PRKAA1: variants seen among roughly 807,000 people sequenced by gnomAD.
PRKAA1 encodes 5'-AMP-activated protein kinase catalytic subunit alpha-1.
In PRKAA1, 23 loss-of-function variants were observed where a neutral mutation model predicts 56.9. That is an observed-to-expected ratio of 0.40 (90% CI 0.29 to 0.57). The LOEUF is 0.57. PRKAA1 is among the 20% of genes least tolerant of loss of function. PRKAA1 has a pLI of 0.39. For missense variants in PRKAA1, 413 were observed against 679.7 expected (o/e 0.61, Z 4.36); for synonymous variants, 226 against 227.0 (o/e 1.00, Z 0.04).
intron 8 of PRKAA1, 71 bp downstream of exon 8, chr5:40,764,443 A>G (rs1328604408): frequency 7.0e-7 from 1 of 1,428,810 alleles, no homozygotes; most frequent in Admixed American, 2.2e-5. Context: ...AGAAGCCTCA[A>G]AAGAATCAAG....
At chr5:40,770,415 G>A (rs1219181443) in intron 4 of PRKAA1, among the ~76,000 whole-genome samples, 7 of 119,840 alleles carry the variant, frequency 5.8e-5, no homozygotes, top group East Asian at 2.1e-4. Flanking sequence ...GCAGTGAGCC[G>A]AGATCGTACC....
chr5:40,777,881 C>T (rs999037904), intron 1 of PRKAA1, among the ~76,000 whole-genome samples: 3 of 151,964 alleles, frequency 2.0e-5, no homozygotes, highest in South Asian at 2.1e-4. Flanking sequence ...GAGACCAGCC[C>T]GGCTAACATG....
At chr5:40,775,595 C>T in intron 2 of PRKAA1, 92 bp from the exon 3 acceptor site, 1 of 1,015,304 alleles carries the variant, frequency 9.8e-7, no homozygotes, top group South Asian at 1.5e-5. Flanking sequence ...ATACCAGGTA[C>T]TAGGCTAGGA....
At chr5:40,765,910 T>C (rs754774238) in intron 6 of PRKAA1, among the ~76,000 whole-genome samples, 5 of 151,982 alleles carry the variant, frequency 3.3e-5, no homozygotes, top group South Asian at 2.1e-4. Context: ...TGACCTGAAC[T>C]ATGTCACTTT....
At chr5:40,765,381 T>G (rs1314496855) in intron 6 of PRKAA1, 143 bp from the exon 7 acceptor site, 3 of 991,726 alleles carry the variant, frequency 3.0e-6, no homozygotes, top group African/African-American at 3.3e-5. Context: ...GAAATTTTCC[T>G]CTTCTAGCTC....
intron 3 of PRKAA1, 76 bp from the exon 4 acceptor site, chr5:40,771,939 T>C (rs1378681986): frequency 2.6e-6 from 4 of 1,509,532 alleles, no homozygotes; most frequent in Admixed American, 4.6e-5. Context: ...CTCCAACCTA[T>C]AAAATTGTCA....
rs1367711770 is a variant in PRKAA1 at position 40,760,668 on chromosome 5, C to T, written c.*2110G>A. On this transcript the variant is annotated 3_prime_UTR_variant, in exon 9 of 9. Transcript: ENST00000397128. Reference sequence around the variant, plus strand: ...AATTAGAAGTTGAATAGAACAAGCCCTGGACAAAAAGCAGCAAGATTTTTC... The same window carrying T: ...AATTAGAAGTTGAATAGAACAAGCCTTGGACAAAAAGCAGCAAGATTTTTC... The T allele has an allele frequency of 1.3e-5, 2 of 152,626 alleles. No homozygotes were observed. The highest frequency in any genetic ancestry group is 2.9e-5 in the Non-Finnish European group (2 of 67,976). The allele number at this position is 152,626 out of a possible 1,614,324, so 9.5% of individuals were successfully genotyped here.
intron 1 of PRKAA1, among the ~76,000 whole-genome samples, chr5:40,785,507 C>T (rs1196641376): frequency 6.6e-6 from 1 of 152,040 alleles, no homozygotes; most frequent in African/African-American, 2.4e-5. Context: ...TCCCAAAGTG[C>T]TGGGATTACA....
intron 1 of PRKAA1, among the ~76,000 whole-genome samples, chr5:40,789,493 A>G (rs1468990571): frequency 6.6e-6 from 1 of 152,200 alleles, no homozygotes; most frequent in Non-Finnish European, 1.5e-5. Flanking sequence ...ATGATCCAGC[A>G]ATCCCATTAC....
At position 40,796,880 on chromosome 5, in the gene PRKAA1, G is replaced by A. The variant is rs992264842; in HGVS notation, c.127+1183C>T. Among the ~76,000 whole-genome samples, 8 of 152,102 alleles carry A rather than the reference G, an allele frequency of 5.3e-5. No individual in the cohort carries two copies. In the East Asian group the frequency reaches 5.8e-4, roughly 11 times the overall value. On this transcript the variant is annotated intron_variant, in intron 1 of 8. Coordinates refer to ENST00000397128, the MANE Select transcript of PRKAA1 (RefSeq NM_006251.6). ...TTTACCAAGAACTTAGTATATGCAA[G>A]TCAGTCTATTATTTATCCAAAGCCA... is the stretch of plus-strand genomic sequence containing the variant.
intron 1 of PRKAA1, among the ~76,000 whole-genome samples, chr5:40,797,354 G>A (rs998890770): frequency 6.6e-6 from 1 of 152,120 alleles, no homozygotes; most frequent in Non-Finnish European, 1.5e-5. Context: ...AACTAACAAC[G>A]AAGTTTCGCA....
intron 1 of PRKAA1, among the ~76,000 whole-genome samples, chr5:40,796,626 T>C (rs1744939077): frequency 6.6e-6 from 1 of 152,234 alleles, no homozygotes; most frequent in Admixed American, 6.5e-5. Flanking sequence ...TACTTCCTCC[T>C]GACATTGTCC....
chr5:40,775,045 A>G lies in PRKAA1; in HGVS notation c.363+365T>C, dbSNP rs1743931781. 4 of 1,074,710 alleles carry G rather than the reference A, an allele frequency of 3.7e-6. No homozygotes were observed. The Admixed American group carries it at 6.3e-5, about 17-fold the overall frequency. The allele number at this position is 1,074,710 out of a possible 1,614,324, so 66.6% of individuals were successfully genotyped here. On this transcript the variant is annotated intron_variant, in intron 3 of 8. Coordinates refer to ENST00000397128, the MANE Select transcript of PRKAA1 (RefSeq NM_006251.6). ...GCAAGGCCTAGATCTTTAAGTAATAATAATATATTTTGTAACGATTAATTA... is the reference window on the plus strand; with the variant it reads ...GCAAGGCCTAGATCTTTAAGTAATAGTAATATATTTTGTAACGATTAATTA...
At position 40,769,417 on chromosome 5, in the gene PRKAA1, T is replaced by C; in HGVS notation, c.595A>G (p.Arg199Gly). Residue 199 changes from arginine (R) to glycine (G), a missense_variant and splice_region_variant, in exon 5 of 9, where the codon AGA (arginine) becomes GGA (glycine). By Grantham distance (125) the Arg-to-Gly change is moderately radical. Transcript: ENST00000397128. Reference protein sequence around the residue: ...NYAAPEVISGRLYAGPEVDIW... With the variant: ...NYAAPEVISGGLYAGPEVDIW... ...GGGAGGCAGGGTATCAAATACTACC[T>C]TCCTGAAATTACTTCTGGTGCAGCA... 2 of 1,601,698 alleles carry C rather than the reference T, an allele frequency of 1.2e-6. No homozygotes were observed. The highest frequency in any genetic ancestry group is 1.7e-6 in the Non-Finnish European group (2 of 1,170,676).
At chr5:40,781,612 A>G (rs540077555) in intron 1 of PRKAA1, among the ~76,000 whole-genome samples, 140 of 152,120 alleles carry the variant, frequency 9.2e-4, no homozygotes, top group Middle Eastern at 3.4e-3. Flanking sequence ...AGCTTTAGGT[A>G]AAAAAATTAA....
chr5:40,786,642 A>G (rs1744498124), intron 1 of PRKAA1, among the ~76,000 whole-genome samples: 1 of 151,722 alleles, frequency 6.6e-6, no homozygotes, highest in African/African-American at 2.4e-5. Flanking sequence ...AAAAAAGGAT[A>G]AAGAATGAAA....
chr5:40,786,786 C>CAAAAAAAAAAAAAAAAAA (rs34749478), intron 1 of PRKAA1, among the ~76,000 whole-genome samples: 1 of 43,512 alleles, frequency 2.3e-5, no homozygotes, highest in African/African-American at 9.1e-5. Flanking sequence ...ACTAAAAATA[C>CAAAAAAAAAAAAAAAAAA]AAAAAAAAAA....
At chr5:40,777,823 A>G (rs1744083866) in intron 1 of PRKAA1, among the ~76,000 whole-genome samples, 2 of 152,204 alleles carry the variant, frequency 1.3e-5, no homozygotes, top group African/African-American at 2.4e-5. Context: ...CTGTAATCCC[A>G]GCACTTTGGG....
rs576780017 is a variant in PRKAA1 at position 40,794,618 on chromosome 5, A to C, written c.127+3445T>G. Among the ~76,000 whole-genome samples the C allele has an allele frequency of 2.4e-4, 30 of 127,280 alleles. 2 individuals carry two copies. Among genetic ancestry groups the C allele is most frequent in the African/African-American group, 7.3e-4 (28 of 38,172 alleles). The allele number at this position is 127,280 out of a possible 152,430, so 83.5% of individuals were successfully genotyped here. A position where few individuals can be genotyped will look rare whatever the true frequency, so the allele number is the denominator to read the frequency against. On this transcript the variant is annotated intron_variant, in intron 1 of 8. Coordinates refer to ENST00000397128, the MANE Select transcript of PRKAA1 (RefSeq NM_006251.6). Reference sequence around the variant, plus strand: ...TATCTTCTAGAATTTTTATAGTTTCAGGTCTTAGGTTTAAGTCCTTAATCC... The same window carrying C: ...TATCTTCTAGAATTTTTATAGTTTCCGGTCTTAGGTTTAAGTCCTTAATCC...
Sources: gnomAD v4.1 joint callset for allele counts (sites outside exome capture counted in the v4.1 genomes callset) on GRCh38, gnomAD v4.1.1 for gene constraint, MANE v1.5 for transcripts, NCBI Gene and HGNC (gene_info 2026-07-23, HGNC 2026-07-21) for gene names.